Variants in CHST9 observed in about 807,000 individuals in gnomAD.
CHST9 encodes the protein GalNAc-4-sulfotransferase 2.
Under a neutral mutation model 44.4 loss-of-function variants are expected in CHST9, and 41 were observed. That is an observed-to-expected ratio of 0.92 (90% CI 0.72 to 1.20). CHST9 has a LOEUF of 1.20. Among genes scored for constraint, CHST9 ranks in the 50% most tolerant of loss-of-function variants. The pLI, the probability that CHST9 is intolerant of heterozygous loss-of-function variation, is 0.00. For missense variants in CHST9, 504 were observed against 516.5 expected (o/e 0.98, Z 0.23); for synonymous variants, 171 against 178.4 (o/e 0.96, Z 0.33).
chr18:27,156,497 A>G (rs2058699548), intron 1 of CHST9, among the ~76,000 whole-genome samples: 1 of 152,152 alleles, frequency 6.6e-6, no homozygotes, highest in Admixed American at 6.5e-5. Context: ...AGTATAATAT[A>G]TAAAATCAAG....
At chr18:27,051,690 T>G (rs2171102) in intron 2 of CHST9, among the ~76,000 whole-genome samples, 1 of 151,992 alleles carries the variant, frequency 6.6e-6, no homozygotes, top group Non-Finnish European at 1.5e-5. Flanking sequence ...TGACTGTAAT[T>G]TTGAGAAAGC....
intron 2 of CHST9, among the ~76,000 whole-genome samples, chr18:27,141,489 G>A (rs954591147): frequency 6.6e-5 from 10 of 151,238 alleles, no homozygotes; most frequent in Non-Finnish European, 1.5e-5. Context: ...TACTTGGGAG[G>A]CTGAGGCAGA....
At chr18:27,001,153 A>G (rs1436118720) in intron 4 of CHST9, among the ~76,000 whole-genome samples, 1 of 152,184 alleles carries the variant, frequency 6.6e-6, no homozygotes, top group Non-Finnish European at 1.5e-5. Context: ...TCTTTGAAAA[A>G]TGAGGAGGAT....
intron 2 of CHST9, among the ~76,000 whole-genome samples, chr18:27,067,301 CT>C (rs1453295975): frequency 3.9e-5 from 6 of 151,970 alleles, no homozygotes; most frequent in African/African-American, 1.5e-4. Context: ...AGCAAAACAT[CT>C]AGATCAAAAC....
chr18:26,964,110 G>A (rs2056434387), intron 4 of CHST9, among the ~76,000 whole-genome samples: 1 of 152,232 alleles, frequency 6.6e-6, no homozygotes, highest in South Asian at 2.1e-4. Flanking sequence ...GAACGCTGAT[G>A]TGGCTAACAC....
intron 5 of CHST9, among the ~76,000 whole-genome samples, chr18:26,932,580 C>T (rs1273790848): frequency 2.0e-5 from 3 of 152,260 alleles, no homozygotes; most frequent in East Asian, 3.9e-4. Flanking sequence ...TACCTTTCAA[C>T]CCCTGATAAA....
At chr18:27,100,155 G>C (rs893414291) in intron 2 of CHST9, among the ~76,000 whole-genome samples, 1 of 151,986 alleles carries the variant, frequency 6.6e-6, no homozygotes, top group Admixed American at 6.6e-5. Flanking sequence ...ATTAATGTAG[G>C]AACATAAAAC....
intron 2 of CHST9, among the ~76,000 whole-genome samples, chr18:27,128,099 T>G (rs2058440756): frequency 6.6e-6 from 1 of 152,142 alleles, no homozygotes; most frequent in African/African-American, 2.4e-5. Context: ...TACCAATCCA[T>G]CTTGTGTAAT....
At chr18:27,057,767 C>T (rs1396211135) in intron 2 of CHST9, among the ~76,000 whole-genome samples, 3 of 152,252 alleles carry the variant, frequency 2.0e-5, no homozygotes, top group Non-Finnish European at 4.4e-5. Context: ...TGCCATCCGG[C>T]ATAGCGTGGA....
chr18:26,981,482 C>T (rs1012021938), intron 4 of CHST9, among the ~76,000 whole-genome samples: 7 of 152,216 alleles, frequency 4.6e-5, no homozygotes, highest in Non-Finnish European at 8.8e-5. Flanking sequence ...ATCTATCATT[C>T]AAGTGTTACT....
chr18:27,112,814 C>T lies in CHST9; in HGVS notation c.121+29875G>A, dbSNP rs57551299. Among the ~76,000 whole-genome samples, 2,164 of 152,078 alleles carry T rather than the reference C, an allele frequency of 0.014. 179 individuals carry two copies. The East Asian group carries it at 0.24, about 17-fold the overall frequency. ...TATAAATGATTAATTTTCAAAATGG[C>T]AACGCATTTCCCATAAGTAGTCCAT... On this transcript the variant is annotated intron_variant, in intron 2 of 5. Transcript: ENST00000618847.
At chr18:27,175,397 CAT>C (rs1224901116) in intron 1 of CHST9, among the ~76,000 whole-genome samples, 3 of 152,012 alleles carry the variant, frequency 2.0e-5, no homozygotes, top group African/African-American at 7.2e-5. Context: ...AGGGATTCCA[CAT>C]GTCAGAGGAA....
At chr18:26,973,659 C>T (rs563476768) in intron 4 of CHST9, among the ~76,000 whole-genome samples, 6 of 152,250 alleles carry the variant, frequency 3.9e-5, no homozygotes, top group Admixed American at 1.3e-4. Flanking sequence ...ACTTTTTCTT[C>T]CAATGTGGTC....
intron 4 of CHST9, among the ~76,000 whole-genome samples, chr18:26,996,787 A>C (rs2056893112): frequency 6.6e-6 from 1 of 152,148 alleles, no homozygotes; most frequent in Admixed American, 6.5e-5. Flanking sequence ...TATGTGTGTA[A>C]TCTAACATCA....
At chr18:27,088,389 CTTTT>C (rs35189657) in intron 2 of CHST9, among the ~76,000 whole-genome samples, 2 of 137,490 alleles carry the variant, frequency 1.5e-5, no homozygotes, top group Non-Finnish European at 1.6e-5. Context: ...ATTATTAACA[CTTTT>C]TTTTTTTTTT....
Position 26,946,450 on chromosome 18 carries a change from G to A in CHST9, c.203-2084C>T, listed in dbSNP as rs143355322. On this transcript the variant is annotated intron_variant, in intron 4 of 5. Coordinates refer to ENST00000618847, the MANE Select transcript of CHST9 (RefSeq NM_031422.6). ...GGTGAGCAGGGCATAGTGTGAGAGA[G>A]GCTACACAGATAGGCAGGAAACCCT... Among the ~76,000 whole-genome samples the A allele has an allele frequency of 4.6e-5, 7 of 152,220 alleles. No individual in the cohort carries two copies. In the East Asian group the frequency reaches 1.2e-3, roughly 25 times the overall value.
At chr18:27,087,927 T>C (rs1453100570) in intron 2 of CHST9, among the ~76,000 whole-genome samples, 1 of 152,108 alleles carries the variant, frequency 6.6e-6, no homozygotes, top group African/African-American at 2.4e-5. Context: ...ATTTTGGGTA[T>C]TCCAAGAAGA....
At chr18:27,091,563 T>C (rs1330193212) in intron 2 of CHST9, among the ~76,000 whole-genome samples, 1 of 152,214 alleles carries the variant, frequency 6.6e-6, no homozygotes, top group East Asian at 1.9e-4. Context: ...GCCCATTCAG[T>C]ATGATATTGG....
chr18:27,011,372 C>CT (rs762587759), intron 4 of CHST9, among the ~76,000 whole-genome samples: 6 of 152,128 alleles, frequency 3.9e-5, no homozygotes, highest in Admixed American at 6.5e-5. Context: ...CACCAATGCC[C>CT]TGAGTGCAGG....
Sources: gnomAD v4.1 joint callset for allele counts (sites outside exome capture counted in the v4.1 genomes callset) on GRCh38, gnomAD v4.1.1 for gene constraint, MANE v1.5 for transcripts, NCBI Gene and HGNC (gene_info 2026-07-23, HGNC 2026-07-21) for gene names.